Variants in CDH13 observed in about 807,000 individuals in gnomAD.
CDH13 encodes cadherin 13.
Under a neutral mutation model 63.8 loss-of-function variants are expected in CDH13, and 24 were observed. The observed-to-expected ratio is 0.38, with a 90% CI of 0.27 to 0.53. The LOEUF (loss-of-function observed/expected upper bound fraction) is 0.53, where lower values mean the gene tolerates loss of function less well. CDH13 is among the 20% of genes least tolerant of loss of function. CDH13 has a pLI of 0.85. For missense variants in CDH13, 1,049 were observed against 903.1 expected (o/e 1.16, Z -2.07); for synonymous variants, 503 against 355.3 (o/e 1.42, Z -4.67).
intron 1 of CDH13, among the ~76,000 whole-genome samples, chr16:82,765,199 G>A (rs953045559): frequency 6.6e-6 from 1 of 152,142 alleles, no homozygotes; most frequent in Non-Finnish European, 1.5e-5. Context: ...TTTTTAAAGA[G>A]ATGAGTATTT....
intron 1 of CDH13, among the ~76,000 whole-genome samples, chr16:82,638,746 T>C (rs1405720152): frequency 6.7e-6 from 1 of 149,572 alleles, no homozygotes; most frequent in Non-Finnish European, 1.5e-5. Context: ...CATAAAATCA[T>C]TTGATCTGGT....
chr16:83,340,015 C>T (rs1315039976), intron 5 of CDH13, among the ~76,000 whole-genome samples: 3 of 152,144 alleles, frequency 2.0e-5, no homozygotes, highest in African/African-American at 7.2e-5. Context: ...TACAGGGCCC[C>T]CCAACACTCA....
chr16:82,653,736 G>T (rs921579061), intron 1 of CDH13, among the ~76,000 whole-genome samples: 1 of 152,138 alleles, frequency 6.6e-6, no homozygotes, highest in African/African-American at 2.4e-5. Flanking sequence ...AACTAGGGGG[G>T]ATTTTTCAGC....
intron 2 of CDH13, among the ~76,000 whole-genome samples, chr16:82,959,216 A>C (rs779753604): frequency 6.6e-6 from 1 of 152,166 alleles, no homozygotes; most frequent in Non-Finnish European, 1.5e-5. Context: ...TCTTTTCTAC[A>C]TTTCAAATTC....
At chr16:82,985,534 G>A (rs1362949635) in intron 2 of CDH13, among the ~76,000 whole-genome samples, 1 of 152,062 alleles carries the variant, frequency 6.6e-6, no homozygotes, top group Non-Finnish European at 1.5e-5. Context: ...TCTCACTCAG[G>A]CCCTACAGAG....
intron 8 of CDH13, among the ~76,000 whole-genome samples, chr16:83,670,477 G>C (rs1296941755): frequency 6.6e-6 from 1 of 152,110 alleles, no homozygotes; most frequent in Non-Finnish European, 1.5e-5. Context: ...TCTGCATTCA[G>C]GTAGGCAGAG....
chr16:83,540,551 C>G (rs12598332), intron 7 of CDH13, among the ~76,000 whole-genome samples: 27,807 of 152,150 alleles, frequency 0.18, 2,832 homozygotes, highest in Middle Eastern at 0.25. Flanking sequence ...TCCCCAGACC[C>G]TTCCTTTAAA....
chr16:83,658,720 T>C (rs1324483220), intron 8 of CDH13, among the ~76,000 whole-genome samples: 231 of 85,270 alleles, frequency 2.7e-3, no homozygotes, highest in Middle Eastern at 0.013. Context: ...CAGCAAGGTC[T>C]CATGTCCTCA....
chr16:82,634,328 A>T (rs1458282388), intron 1 of CDH13, among the ~76,000 whole-genome samples: 4 of 152,200 alleles, frequency 2.6e-5, no homozygotes, highest in African/African-American at 9.6e-5. Flanking sequence ...GTGCTGCAGG[A>T]AGAAGGTGGT....
intron 6 of CDH13, among the ~76,000 whole-genome samples, chr16:83,386,018 C>A (rs1008587058): frequency 6.6e-6 from 1 of 152,210 alleles, no homozygotes; most frequent in Non-Finnish European, 1.5e-5. Context: ...GCTATGGGTG[C>A]TTGGACAAAC....
intron 1 of CDH13, among the ~76,000 whole-genome samples, chr16:82,676,870 T>TG (rs1913975287): frequency 3.3e-5 from 4 of 122,374 alleles, no homozygotes; most frequent in Non-Finnish European, 3.3e-5. Flanking sequence ...GGTTTCTTTG[T>TG]TTTTTGTTTT....
intron 11 of CDH13, among the ~76,000 whole-genome samples, chr16:83,759,554 T>C (rs1242486919): frequency 6.6e-6 from 1 of 151,812 alleles, no homozygotes; most frequent in Non-Finnish European, 1.5e-5. Flanking sequence ...ACATTGAAAT[T>C]AAGAGCTTTG....
At chr16:83,217,601 G>T (rs143257873) in intron 5 of CDH13, 104 bp downstream of exon 5, 4 of 1,238,890 alleles carry the variant, frequency 3.2e-6, no homozygotes, top group Non-Finnish European at 4.5e-6. Flanking sequence ...TCAAACCCGG[G>T]ACTGCATGGC....
intron 1 of CDH13, among the ~76,000 whole-genome samples, chr16:82,726,758 C>A (rs1411989190): frequency 6.6e-6 from 1 of 152,216 alleles, no homozygotes; most frequent in Non-Finnish European, 1.5e-5. Flanking sequence ...GTGCGTAGCA[C>A]CCCCTTGAGA....
intron 2 of CDH13, among the ~76,000 whole-genome samples, chr16:82,876,369 G>T (rs765212608): frequency 4.6e-5 from 7 of 152,164 alleles, no homozygotes; most frequent in Non-Finnish European, 1.0e-4. Context: ...AATAATCTTT[G>T]AATTGACAAG....
intron 10 of CDH13, among the ~76,000 whole-genome samples, chr16:83,747,619 T>C (rs1912712981): frequency 6.6e-6 from 1 of 151,612 alleles, no homozygotes; most frequent in Non-Finnish European, 1.5e-5. Flanking sequence ...TCCTATCTAT[T>C]CCTCCTGTCT....
At chr16:83,033,335 A>G (rs1916550279) in intron 3 of CDH13, among the ~76,000 whole-genome samples, 1 of 152,024 alleles carries the variant, frequency 6.6e-6, no homozygotes, top group South Asian at 2.1e-4. Flanking sequence ...GTATGTCTAT[A>G]TGTATACATT....
Position 83,486,486 on chromosome 16 carries a change from TG to T in CDH13, c.792del (p.Met265CysfsTer3). ...TGTCTTGCCCCGGTAGGCACCACAG[TG>T]ATGCGGATGACAGCCTTTGATGCAG... ...VMEGSPTGTT[V>X]MRMTAFDADD... On this transcript the variant is annotated frameshift_variant, in exon 7 of 14. Coordinates refer to ENST00000567109, the MANE Select transcript of CDH13 (RefSeq NM_001257.5). LOFTEE classifies it high-confidence loss of function. 6.2e-7 allele frequency: 1 copy of T among 1,613,114 alleles called. No homozygotes were observed. Among genetic ancestry groups the T allele is most frequent in the Non-Finnish European group, 8.5e-7 (1 of 1,179,364 alleles).
chr16:82,820,475 C>G (rs957742689), intron 1 of CDH13, among the ~76,000 whole-genome samples: 2 of 152,144 alleles, frequency 1.3e-5, no homozygotes, highest in African/African-American at 4.8e-5. Context: ...AGTAACCTCC[C>G]CACAGTTTTA....
Sources: allele counts gnomAD v4.1 joint callset (sites outside exome capture counted in the v4.1 genomes callset), GRCh38; gene constraint gnomAD v4.1.1; transcripts MANE v1.5; gene names NCBI Gene and HGNC (gene_info 2026-07-23, HGNC 2026-07-21).